The following COL4A6 variants were observed in gnomAD, a reference collection of about 807,000 sequenced individuals.
COL4A6 encodes the protein collagen alpha-6(IV) chain.
Under a neutral mutation model 126.7 loss-of-function variants are expected in COL4A6, and 59 were observed. The observed-to-expected ratio is 0.47, with a 90% CI of 0.38 to 0.58. The LOEUF (loss-of-function observed/expected upper bound fraction) is 0.58, where lower values mean the gene tolerates loss of function less well. COL4A6 is among the 20% of genes least tolerant of loss of function. The pLI, the probability that COL4A6 is intolerant of heterozygous loss-of-function variation, is 0.00. For synonymous variants in COL4A6, 547 were observed against 496.6 expected (o/e 1.10, Z -1.35); for missense variants, 1,285 against 1,337.3 (o/e 0.96, Z 0.61).
chrX:108,167,093 C>G (rs1001309671), intron 37 of COL4A6, among the ~76,000 whole-genome samples: 95 of 111,571 alleles, frequency 8.5e-4, no homozygotes, highest in African/African-American at 2.9e-3. Flanking sequence ...GAAATAAAGG[C>G]ACTACTGACT....
At chrX:108,348,696 A>G (rs946983263) in intron 2 of COL4A6, among the ~76,000 whole-genome samples, 3 of 111,891 alleles carry the variant, frequency 2.7e-5, no homozygotes, top group Non-Finnish European at 3.8e-5. Flanking sequence ...ATATATTCAT[A>G]TATCCTTTGG....
intron 37 of COL4A6, 30 bp downstream of exon 37, chrX:108,169,465 C>T: frequency 4.1e-6 from 5 of 1,208,955 alleles, no homozygotes; most frequent in Non-Finnish European, 5.6e-6. Flanking sequence ...AGGCCTCACT[C>T]AGCCTCTACA....
intron 4 of COL4A6, 74 bp downstream of exon 4, chrX:108,221,166 C>T (rs778668966): frequency 3.5e-6 from 4 of 1,158,663 alleles, no homozygotes; most frequent in East Asian, 3.0e-5. Flanking sequence ...ATGAGCAGAA[C>T]TGGGATGGAG....
At chrX:108,384,934 CAG>C (rs945537690) in intron 2 of COL4A6, among the ~76,000 whole-genome samples, 27 of 111,122 alleles carry the variant, frequency 2.4e-4, no homozygotes, top group African/African-American at 8.8e-4. Context: ...CCCAATTACT[CAG>C]TGTATTTTTG....
intron 13 of COL4A6, among the ~76,000 whole-genome samples, chrX:108,197,772 AGTGTGTGTGTGTGTGTGTGT>A (rs57928875): frequency 1.1e-5 from 1 of 87,236 alleles, no homozygotes; most frequent in Non-Finnish European, 2.2e-5. Flanking sequence ...TATTGGGAGG[AGTGTGTGTGTGTGTGTGTGT>A]GTGTGTGTGT....
intron 2 of COL4A6, among the ~76,000 whole-genome samples, chrX:108,354,167 A>T (rs186308089): frequency 1.3e-4 from 15 of 111,531 alleles, no homozygotes; most frequent in Admixed American, 1.3e-3. Context: ...TCTCAAAAAA[A>T]AAATAAGTGA....
chrX:108,248,625 A>G (rs2036774666), intron 3 of COL4A6, among the ~76,000 whole-genome samples: 1 of 111,097 alleles, frequency 9.0e-6, no homozygotes, highest in Non-Finnish European at 1.9e-5. Flanking sequence ...GTTCTTAGAT[A>G]TATATGTTAC....
intron 3 of COL4A6, among the ~76,000 whole-genome samples, chrX:108,293,276 C>T (rs1160796077): frequency 4.5e-5 from 5 of 111,276 alleles, no homozygotes; most frequent in African/African-American, 9.8e-5. Flanking sequence ...GAGGATGATA[C>T]CACTTATTCT....
At chrX:108,192,884 T>C (rs1006832295) in intron 17 of COL4A6, among the ~76,000 whole-genome samples, 5 of 112,787 alleles carry the variant, frequency 4.4e-5, no homozygotes, top group Non-Finnish European at 9.4e-5. Flanking sequence ...GTCTACCATT[T>C]GGATTAAGAT....
intron 24 of COL4A6, 105 bp from the exon 25 acceptor site, chrX:108,180,727 G>T: frequency 1.3e-6 from 1 of 781,245 alleles, no homozygotes; most frequent in East Asian, 3.4e-5. Context: ...GCCTCTCCTT[G>T]TCTCACCTCC....
chrX:108,183,753 C>CT (rs1556009144), intron 23 of COL4A6: 2 of 836,998 alleles, frequency 2.4e-6, no homozygotes, highest in Non-Finnish European at 2.8e-6. Flanking sequence ...CTTTACCAAC[C>CT]TCTCTACAGC....
intron 3 of COL4A6, among the ~76,000 whole-genome samples, chrX:108,239,514 C>T (rs1310569572): frequency 8.9e-6 from 1 of 111,905 alleles, no homozygotes; most frequent in Non-Finnish European, 1.9e-5. Context: ...GTGGAAGCCA[C>T]CAGCCTGGGA....
At chrX:108,182,966 A>G (rs1399604823) in intron 23 of COL4A6, among the ~76,000 whole-genome samples, 2 of 112,446 alleles carry the variant, frequency 1.8e-5, no homozygotes, top group Non-Finnish European at 3.8e-5. Context: ...CCGGGATGAG[A>G]AAAACAATGG....
chrX:108,292,219 T>A (rs1357672598), intron 3 of COL4A6, among the ~76,000 whole-genome samples: 1 of 112,261 alleles, frequency 8.9e-6, no homozygotes, highest in African/African-American at 3.2e-5. Flanking sequence ...AGTTAAAAAG[T>A]AGGCACCACT....
In COL4A6 at chrX:108,310,772, C is replaced by G. The variant is rs1240135880; in HGVS notation, c.120G>C (p.Gln40His). The G allele has an allele frequency of 1.7e-5, 20 of 1,208,820 alleles. No individual in the cohort carries two copies. Among genetic ancestry groups the G allele is most frequent in the Non-Finnish European group, 2.0e-5 (18 of 894,437 alleles). ...CTCTCGCTCCTTTCTCAGGAAAACA[C>G]TGACAGCTCCCACTGCAGTCCTGGC... ...CGGQDCSGSC[Q>H]CFPEKGARGR... The change falls in exon 3 of 45, where the codon CAG (glutamine) becomes CAC (histidine). Residue 40 changes from glutamine to histidine, a missense_variant. By Grantham distance (24) the Gln-to-His change is conservative (BLOSUM62 0). Coordinates refer to ENST00000334504, the MANE Select transcript of COL4A6 (RefSeq NM_033641.4).
intron 2 of COL4A6, among the ~76,000 whole-genome samples, chrX:108,336,674 T>C (rs975474981): frequency 9.0e-6 from 1 of 111,644 alleles, no homozygotes; most frequent in Non-Finnish European, 1.9e-5. Context: ...AATCAATCAA[T>C]TGATCAATTG....
chrX:108,294,987 G>T (rs1324480229), intron 3 of COL4A6, among the ~76,000 whole-genome samples: 1 of 112,003 alleles, frequency 8.9e-6, no homozygotes, highest in Non-Finnish European at 1.9e-5. Flanking sequence ...AGTAAATACA[G>T]ATAGCAACAG....
At chrX:108,428,055 T>C (rs1305925814) in intron 2 of COL4A6, among the ~76,000 whole-genome samples, 1 of 111,623 alleles carries the variant, frequency 9.0e-6, no homozygotes, top group Non-Finnish European at 1.9e-5. Flanking sequence ...CTGAGAAATA[T>C]GGCCATTGTC....
At chrX:108,239,012 C>T (rs2036509492) in intron 3 of COL4A6, among the ~76,000 whole-genome samples, 1 of 112,216 alleles carries the variant, frequency 8.9e-6, no homozygotes, top group Non-Finnish European at 1.9e-5. Flanking sequence ...TCTGTCCATT[C>T]TGTGAATATG....
Sources: gnomAD v4.1 joint callset for allele counts (sites outside exome capture counted in the v4.1 genomes callset) on GRCh38, gnomAD v4.1.1 for gene constraint, MANE v1.5 for transcripts, NCBI Gene and HGNC (gene_info 2026-07-23, HGNC 2026-07-21) for gene names.